The following ST18 variants were observed in gnomAD, a reference collection of about 807,000 sequenced individuals.
ST18 encodes the protein suppression of tumorigenicity 18 protein.
ST18 carries 50 observed loss-of-function variants against 110.0 expected under a neutral mutation model. The observed-to-expected ratio is 0.45, with a 90% confidence interval of 0.36 to 0.58. The LOEUF is 0.58. Ranked by LOEUF, ST18 falls within the 20% of genes least tolerant of loss-of-function variation. The probability of loss-of-function intolerance (pLI) is 0.00; values close to 1 mark genes in which losing one functional copy is unlikely to be tolerated. For synonymous variants in ST18, 461 were observed against 452.4 expected (o/e 1.02, Z -0.24); for missense variants, 1,306 against 1,280.1 (o/e 1.02, Z -0.31).
intron 2 of ST18, among the ~76,000 whole-genome samples, chr8:52,268,496 TATCTATCTATCTATTTATC>T (rs2094952730): frequency 4.6e-5 from 7 of 151,040 alleles, no homozygotes; most frequent in Non-Finnish European, 1.0e-4. Flanking sequence ...TCTATCTATC[TATCTATCTATCTATTTATC>T]TATCTATCTT....
chr8:52,193,536 C>G (rs1378944234), intron 8 of ST18, among the ~76,000 whole-genome samples: 7 of 152,258 alleles, frequency 4.6e-5, no homozygotes, highest in African/African-American at 1.7e-4. Context: ...TTCAACTTCT[C>G]TCTGCCCAGT....
intron 2 of ST18, among the ~76,000 whole-genome samples, chr8:52,250,523 T>C (rs567689048): frequency 8.7e-6 from 1 of 114,368 alleles, no homozygotes; most frequent in African/African-American, 3.4e-5. Context: ...ACAGTACAAG[T>C]AAATGCATAA....
intron 2 of ST18, among the ~76,000 whole-genome samples, chr8:52,291,771 TTTTG>T (rs1425484101): frequency 6.6e-6 from 1 of 152,120 alleles, no homozygotes; most frequent in Admixed American, 6.6e-5. Context: ...TTTTTGTTTT[TTTTG>T]TTTGTTTGTT....
At chr8:52,302,761 A>T (rs1032084707) in intron 2 of ST18, among the ~76,000 whole-genome samples, 1 of 152,236 alleles carries the variant, frequency 6.6e-6, no homozygotes, top group African/African-American at 2.4e-5. Flanking sequence ...AGGAACTTAT[A>T]ACCCCTTGAA....
At chr8:52,234,173 C>T (rs1040718539) in intron 2 of ST18, among the ~76,000 whole-genome samples, 26 of 152,180 alleles carry the variant, frequency 1.7e-4, no homozygotes, top group African/African-American at 4.6e-4. Context: ...AGAATCCCAG[C>T]CTTTAAAGAT....
chr8:52,242,072 T>C (rs1236384321), intron 2 of ST18, among the ~76,000 whole-genome samples: 2 of 152,222 alleles, frequency 1.3e-5, no homozygotes, highest in East Asian at 1.9e-4. Flanking sequence ...TTGACTCTTT[T>C]TATTTATTAG....
intron 2 of ST18, among the ~76,000 whole-genome samples, chr8:52,401,632 C>A (rs1248378582): frequency 6.6e-6 from 1 of 151,946 alleles, no homozygotes; most frequent in Non-Finnish European, 1.5e-5. Flanking sequence ...TGGAGTTATT[C>A]AGCTATAAGA....
chr8:52,232,754 G>C (rs1040417700), intron 2 of ST18, among the ~76,000 whole-genome samples: 1 of 151,924 alleles, frequency 6.6e-6, no homozygotes, highest in Non-Finnish European at 1.5e-5. Flanking sequence ...TAGGAAGAAG[G>C]AAATAATAAG....
chr8:52,333,283 T>C (rs1355095735), intron 2 of ST18, among the ~76,000 whole-genome samples: 1 of 149,914 alleles, frequency 6.7e-6, no homozygotes, highest in Non-Finnish European at 1.5e-5. Flanking sequence ...AAATAAGACC[T>C]GCATAGCATT....
intron 8 of ST18, among the ~76,000 whole-genome samples, chr8:52,202,505 G>C (rs1424689803): frequency 6.6e-6 from 1 of 152,174 alleles, no homozygotes; most frequent in Non-Finnish European, 1.5e-5. Flanking sequence ...TTCTTCTTCT[G>C]AATGGGTGGA....
intron 8 of ST18, among the ~76,000 whole-genome samples, chr8:52,181,849 CCTT>C (rs1012249383): frequency 3.3e-5 from 5 of 152,036 alleles, no homozygotes; most frequent in African/African-American, 1.2e-4. Flanking sequence ...TTTACGCTTG[CCTT>C]CTTTGTCAAA....
intron 6 of ST18, among the ~76,000 whole-genome samples, chr8:52,215,335 G>A (rs1292380346): frequency 6.6e-6 from 1 of 152,114 alleles, no homozygotes; most frequent in African/African-American, 2.4e-5. Context: ...CGCTCTCCAA[G>A]GTCCTGCACA....
intron 12 of ST18, 42 bp from the exon 13 acceptor site, chr8:52,164,132 A>G (rs1453152297): frequency 1.3e-6 from 2 of 1,547,324 alleles, no homozygotes; most frequent in Non-Finnish European, 1.8e-6. Flanking sequence ...AGTTAAAATG[A>G]TAATATGATT....
intron 2 of ST18, among the ~76,000 whole-genome samples, chr8:52,353,899 G>C (rs952311765): frequency 6.6e-6 from 1 of 152,216 alleles, no homozygotes; most frequent in Non-Finnish European, 1.5e-5. Context: ...ACTAGGTTAT[G>C]TATATTGGCC....
intron 19 of ST18, among the ~76,000 whole-genome samples, chr8:52,133,917 G>C (rs549208995): frequency 1.3e-5 from 2 of 152,082 alleles, no homozygotes; most frequent in East Asian, 3.9e-4. Flanking sequence ...TTTTAGTAGA[G>C]ACAGGGTTTC....
chr8:52,335,251 C>T, intron 2 of ST18, among the ~76,000 whole-genome samples: 1 of 152,070 alleles, frequency 6.6e-6, no homozygotes, highest in Non-Finnish European at 1.5e-5. Context: ...AGTAAATATT[C>T]TTTTCCAAGG....
At chr8:52,220,534 G>GGACT (rs1440421798) in intron 5 of ST18, 1 of 151,782 alleles carries the variant, frequency 6.6e-6, no homozygotes, top group African/African-American at 2.4e-5. Context: ...TAGGCTCAGA[G>GGACT]GACTTTGCCT....
intron 2 of ST18, among the ~76,000 whole-genome samples, chr8:52,242,591 C>A (rs879659130): frequency 7.9e-5 from 12 of 152,178 alleles, no homozygotes; most frequent in Non-Finnish European, 1.3e-4. Context: ...GTAATCCCAG[C>A]AGTTTGGGAA....
intron 3 of ST18, among the ~76,000 whole-genome samples, chr8:52,223,685 A>G (rs78015168): frequency 6.7e-6 from 1 of 150,110 alleles, no homozygotes; most frequent in Admixed American, 6.7e-5. Context: ...AAAGGATGTG[A>G]TTTTTTTTTT....
Sources: gnomAD v4.1 joint callset for allele counts (sites outside exome capture counted in the v4.1 genomes callset) on GRCh38, gnomAD v4.1.1 for gene constraint, MANE v1.5 for transcripts, NCBI Gene and HGNC (gene_info 2026-07-23, HGNC 2026-07-21) for gene names.